Variants in CACNB4 observed in about 807,000 individuals in gnomAD.
The protein encoded by CACNB4 is calcium voltage-gated channel auxiliary subunit beta 4, also known as voltage-dependent L-type calcium channel subunit beta-4.
A neutral mutation model predicts 71.2 loss-of-function variants in CACNB4; 32 were observed. The observed-to-expected ratio is 0.45, with a 90% CI of 0.34 to 0.60. The LOEUF is 0.60. CACNB4 is among the 20% of genes least tolerant of loss of function. The pLI is 0.01. For missense variants in CACNB4, 464 were observed against 647.9 expected (o/e 0.72, Z 3.08); for synonymous variants, 231 against 236.9 (o/e 0.97, Z 0.23).
At chr2:152,024,146 C>T (rs1022118390) in intron 2 of CACNB4, among the ~76,000 whole-genome samples, 4 of 152,122 alleles carry the variant, frequency 2.6e-5, no homozygotes, top group Admixed American at 6.5e-5. Context: ...ATAATGAGAC[C>T]TGTCTCTACA....
chr2:151,877,753 G>A (rs745568221), intron 4 of CACNB4, among the ~76,000 whole-genome samples: 2 of 152,096 alleles, frequency 1.3e-5, no homozygotes, highest in African/African-American at 2.4e-5. Flanking sequence ...ACTTCCAAAT[G>A]CTCTGAAGCC....
At chr2:152,088,378 A>G (rs1687787426) in intron 2 of CACNB4, among the ~76,000 whole-genome samples, 2 of 152,238 alleles carry the variant, frequency 1.3e-5, no homozygotes, top group South Asian at 2.1e-4. Context: ...TAGATTTTCC[A>G]TATGTTATCA....
At chr2:152,001,383 C>T (rs73013220) in intron 2 of CACNB4, among the ~76,000 whole-genome samples, 3,517 of 150,888 alleles carry the variant, frequency 0.023, 134 homozygotes, top group African/African-American at 0.083. Flanking sequence ...GGCAGGGTAG[C>T]GTCCATCAGT....
Position 152,098,967 on chromosome 2 carries a change from C to T in CACNB4, c.45G>A (p.Pro15=), listed in dbSNP as rs536646578. The stretch of plus-strand genomic sequence containing the variant: ...GCGGTACCTGCGAGGTGGGGGAGTG[C>T]GGCCCGTCCGCGGTCCCGTTCTTGG... ...SYAKNGTADG[P]HSPTSQVARG... Residue 15 remains proline, a synonymous_variant, in exon 1 of 14, where the codon CCG becomes CCA. Transcript: ENST00000539935. The surrounding 1 kb of genome is among the most constrained non-coding windows in gnomAD (Gnocchi z 5.3). 85 of 1,525,094 alleles carry T rather than the reference C, an allele frequency of 5.6e-5. No individual in the cohort carries two copies. The South Asian group carries it at 9.3e-4, about 17-fold the overall frequency. 94.5% of individuals were successfully genotyped at this position (1,525,094 alleles called of 1,614,324 possible).
intron 2 of CACNB4, among the ~76,000 whole-genome samples, chr2:152,006,401 CTT>C (rs60046879): frequency 2.2e-5 from 3 of 138,542 alleles, no homozygotes; most frequent in East Asian, 2.0e-4. Flanking sequence ...TCTTTTCTTT[CTT>C]TTTTTTTTTT....
chr2:151,900,510 G>A (rs1003856647), intron 2 of CACNB4, among the ~76,000 whole-genome samples: 38 of 152,202 alleles, frequency 2.5e-4, no homozygotes, highest in Non-Finnish European at 4.3e-4. Flanking sequence ...TTATGAGTCG[G>A]GGAATGAGAA....
At chr2:151,946,066 C>T (rs939123050) in intron 2 of CACNB4, among the ~76,000 whole-genome samples, 1 of 152,012 alleles carries the variant, frequency 6.6e-6, no homozygotes, top group East Asian at 1.9e-4. Context: ...CGGTGGCTCA[C>T]GGCTGTAATC....
rs1440721568 is a variant in CACNB4 at position 151,964,085 on chromosome 2, A to AT, written c.148-80716_148-80715insA. 3.1e-4 allele frequency among the ~76,000 whole-genome samples: 46 copies of AT among 148,896 alleles called. 1 individual carries two copies. The highest frequency in any genetic ancestry group is 7.3e-4 in the African/African-American group (30 of 40,958). On this transcript the variant is annotated intron_variant, in intron 2 of 13. Transcript: ENST00000539935. Reference sequence around the variant, plus strand: ...TGTCTCACAGAAAAAAAAAAAAAAAAAAAAAGAATGTTAACTGTAGCATTT... The same window carrying AT: ...TGTCTCACAGAAAAAAAAAAAAAAAATAAAAAGAATGTTAACTGTAGCATTT...
intron 2 of CACNB4, among the ~76,000 whole-genome samples, chr2:152,057,328 A>C (rs931905388): frequency 3.9e-5 from 6 of 152,180 alleles, no homozygotes; most frequent in Non-Finnish European, 8.8e-5. Flanking sequence ...CCTTGTGACT[A>C]CAGGTGATAC....
chr2:152,030,271 G>A (rs1684211798), intron 2 of CACNB4, among the ~76,000 whole-genome samples: 1 of 152,086 alleles, frequency 6.6e-6, no homozygotes, highest in Non-Finnish European at 1.5e-5. Flanking sequence ...ACACAACATT[G>A]AAAATACTTG....
chr2:152,074,421 C>T (rs1248966192), intron 2 of CACNB4, among the ~76,000 whole-genome samples: 1 of 151,494 alleles, frequency 6.6e-6, no homozygotes, highest in African/African-American at 2.4e-5. Flanking sequence ...CCAGCAGCAC[C>T]ACCACCATAA....
At chr2:151,946,969 A>T (rs1007021423) in intron 2 of CACNB4, among the ~76,000 whole-genome samples, 1 of 152,196 alleles carries the variant, frequency 6.6e-6, no homozygotes, top group Non-Finnish European at 1.5e-5. Flanking sequence ...CTGTGCCATA[A>T]ATCCTGGTGT....
chr2:152,003,489 A>G (rs12693200), intron 2 of CACNB4, among the ~76,000 whole-genome samples: 28,710 of 151,832 alleles, frequency 0.19, 2,821 homozygotes, highest in Middle Eastern at 0.4. Flanking sequence ...TAACTTACAC[A>G]GCCCCATTTT....
At chr2:151,947,123 C>T (rs1489633649) in intron 2 of CACNB4, among the ~76,000 whole-genome samples, 1 of 152,182 alleles carries the variant, frequency 6.6e-6, no homozygotes, top group Non-Finnish European at 1.5e-5. Flanking sequence ...TGGATTAAAC[C>T]GGATCCCCAG....
intron 2 of CACNB4, among the ~76,000 whole-genome samples, chr2:151,983,226 C>G (rs190171179): frequency 4.9e-4 from 75 of 152,328 alleles, no homozygotes; most frequent in African/African-American, 1.7e-3. Context: ...ATCTTCAACT[C>G]TATTGAGTTT....
chr2:151,881,518 A>C (rs2099847842), intron 3 of CACNB4, among the ~76,000 whole-genome samples: 1 of 152,246 alleles, frequency 6.6e-6, no homozygotes, highest in African/African-American at 2.4e-5. Context: ...AATGCCTCTC[A>C]GCAAAGTGCT....
At chr2:152,031,825 T>C (rs1306356598) in intron 2 of CACNB4, among the ~76,000 whole-genome samples, 1 of 152,208 alleles carries the variant, frequency 6.6e-6, no homozygotes, top group African/African-American at 2.4e-5. Context: ...AAATTATCCA[T>C]ATTTTTGAAA....
chr2:152,032,379 C>T (rs1469254027), intron 2 of CACNB4, among the ~76,000 whole-genome samples: 1 of 152,180 alleles, frequency 6.6e-6, no homozygotes, highest in Non-Finnish European at 1.5e-5. Flanking sequence ...ATCTACTTAG[C>T]AGCCCATGGA....
intron 11 of CACNB4, 168 bp from the exon 12 acceptor site, chr2:151,853,711 C>G: frequency 2.0e-6 from 1 of 503,324 alleles, no homozygotes; most frequent in Non-Finnish European, 3.5e-6. Context: ...CTTACATTGG[C>G]TCTCAGTTCC....
Sources: allele counts gnomAD v4.1 joint callset (sites outside exome capture counted in the v4.1 genomes callset), GRCh38; gene constraint gnomAD v4.1.1; non-coding constraint Gnocchi (gnomAD v3.1); transcripts MANE v1.5; gene names NCBI Gene and HGNC (gene_info 2026-07-23, HGNC 2026-07-21).